CHCHD6: variants seen among roughly 807,000 people sequenced by gnomAD.
CHCHD6 encodes the protein MICOS complex subunit MIC25.
A neutral mutation model predicts 32.3 loss-of-function variants in CHCHD6; 28 were observed. The observed-to-expected ratio is 0.87, with a 90% CI of 0.64 to 1.19. The LOEUF (loss-of-function observed/expected upper bound fraction) is 1.19. Ranked by LOEUF, CHCHD6 falls within the 50% of genes most tolerant of loss-of-function variation. The pLI, the probability that CHCHD6 is intolerant of heterozygous loss-of-function variation, is 0.00. For missense variants in CHCHD6, 333 were observed against 307.0 expected, an observed-to-expected ratio of 1.08 and a Z score of -0.63; for synonymous variants, 122 against 117.5, an observed-to-expected ratio of 1.04 and a Z score of -0.25.
chr3:126,783,104 C>A (rs916084660), intron 4 of CHCHD6, among the ~76,000 whole-genome samples: 1 of 152,224 alleles, frequency 6.6e-6, no homozygotes, highest in African/African-American at 2.4e-5. Flanking sequence ...TCTCCCCTAC[C>A]CCATAGCCTC....
In CHCHD6 at chr3:126,767,245, G is replaced by C. The variant is rs747126885; in HGVS notation, c.411+34023G>C. 6.9e-6 allele frequency: 10 copies of C among 1,441,878 alleles called. No individual in the cohort carries two copies. The Admixed American group carries it at 1.5e-4, about 22-fold the overall frequency. 89.3% of individuals were successfully genotyped at this position (1,441,878 alleles called of 1,614,324 possible). A position where few individuals can be genotyped will look rare whatever the true frequency, so the allele number is the denominator to read the frequency against. Reference sequence around the variant, plus strand: ...GGCCATTGTATATTATCTGTGCGGGGCTGGGGATAGTGTCTGTCAGGTTGC... The same window carrying C: ...GGCCATTGTATATTATCTGTGCGGGCCTGGGGATAGTGTCTGTCAGGTTGC... On this transcript the variant is annotated intron_variant, in intron 4 of 7. Transcript: ENST00000290913.
chr3:126,813,686 C>A (rs1485918654), intron 4 of CHCHD6, among the ~76,000 whole-genome samples: 1 of 152,188 alleles, frequency 6.6e-6, no homozygotes, highest in Non-Finnish European at 1.5e-5. Flanking sequence ...CTATCTAGGG[C>A]CCTTGGATGC....
At position 126,733,172 on chromosome 3, in the gene CHCHD6, C is replaced by A; in HGVS notation, c.361C>A (p.Pro121Thr). The A allele has an allele frequency of 6.2e-7, 1 of 1,614,162 alleles. No homozygotes were observed. Among genetic ancestry groups the A allele is most frequent in the South Asian group, 1.1e-5 (1 of 91,082 alleles). ...CACCAAGCACTCCAAGGCATCCCTG[C>A]CCACGGGCGAAGGCAGCATCAGCCA... ...AATKHSKASLPTGEGSISHEE... is the reference protein window; with the variant it reads ...AATKHSKASLTTGEGSISHEE... Residue 121 changes from proline (P) to threonine (T), a missense_variant, in exon 4 of 8, where the codon CCC becomes ACC. Coordinates refer to ENST00000290913, the MANE Select transcript of CHCHD6 (RefSeq NM_032343.3).
intron 4 of CHCHD6, among the ~76,000 whole-genome samples, chr3:126,815,896 C>T (rs1289947804): frequency 6.6e-6 from 1 of 152,190 alleles, no homozygotes; most frequent in African/African-American, 2.4e-5. Context: ...AGGCACAGAG[C>T]CTTCCTCCCC....
At chr3:126,892,673 T>C (rs1463022180) in intron 5 of CHCHD6, among the ~76,000 whole-genome samples, 1 of 152,212 alleles carries the variant, frequency 6.6e-6, no homozygotes, top group Non-Finnish European at 1.5e-5. Flanking sequence ...CTCCAGACTG[T>C]ATTCCCTTAC....
At chr3:126,917,578 C>T (rs1176659325) in intron 6 of CHCHD6, among the ~76,000 whole-genome samples, 1 of 152,216 alleles carries the variant, frequency 6.6e-6, no homozygotes, top group Non-Finnish European at 1.5e-5. Flanking sequence ...AAGCAAGATT[C>T]CACATAGAAA....
rs928804304 is a variant in CHCHD6, at chr3:126,769,533, T to A, written c.411+36311T>A. On this transcript the variant is annotated intron_variant, in intron 4 of 7. Coordinates refer to ENST00000290913, the MANE Select transcript of CHCHD6 (RefSeq NM_032343.3). ...TCTTTCATTTTTTTGAGATGGAGTC[T>A]CACTCTGTTGCCCACGCTAGAGTGC... Among the ~76,000 whole-genome samples the A allele has an allele frequency of 9.2e-5, 14 of 152,210 alleles. No individual in the cohort carries two copies. In the South Asian group the frequency reaches 2.1e-3, roughly 23 times the overall value.
chr3:126,802,896 T>TG (rs1013453073), intron 4 of CHCHD6, among the ~76,000 whole-genome samples: 1 of 151,180 alleles, frequency 6.6e-6, no homozygotes, highest in Non-Finnish European at 1.5e-5. Context: ...CAGAAGAGAG[T>TG]GGGGGCCGAT....
chr3:126,778,877 C>T (rs1009601738), intron 4 of CHCHD6, among the ~76,000 whole-genome samples: 4 of 151,968 alleles, frequency 2.6e-5, no homozygotes, highest in African/African-American at 7.2e-5. Flanking sequence ...ACCTCAGCCT[C>T]CTGAGTAGCT....
chr3:126,783,057 C>T (rs368330597), intron 4 of CHCHD6, among the ~76,000 whole-genome samples: 1 of 152,166 alleles, frequency 6.6e-6, no homozygotes, highest in South Asian at 2.1e-4. Context: ...GAACTAAATT[C>T]ATCTTATATG....
intron 4 of CHCHD6, among the ~76,000 whole-genome samples, chr3:126,784,768 G>A (rs1938119525): frequency 6.6e-6 from 1 of 152,132 alleles, no homozygotes; most frequent in African/African-American, 2.4e-5. Flanking sequence ...TCACATTAGT[G>A]CCTGTCTCTT....
At position 126,863,971 on chromosome 3, in the gene CHCHD6, ACCT is replaced by A. The variant is rs768892961; in HGVS notation, c.495+11253_495+11255del. 1.7e-3 allele frequency among the ~76,000 whole-genome samples: 215 copies of A among 127,202 alleles called. 3 individuals are homozygous for A. Among genetic ancestry groups the A allele is most frequent in the Non-Finnish European group, 1.5e-3 (91 of 59,730 alleles). The allele number at this position is 127,202 out of a possible 152,430, so 83.4% of individuals were successfully genotyped here. A position where few individuals can be genotyped will look rare whatever the true frequency, so the allele number is the denominator to read the frequency against. On this transcript the variant is annotated intron_variant, in intron 5 of 7. Coordinates refer to ENST00000290913, the MANE Select transcript of CHCHD6 (RefSeq NM_032343.3). Reference sequence around the variant, plus strand: ...CACCACCTCCTCCTCCACCATCACCACCTCCTCCTCCTCCACCATCACTACCTT... The same window carrying A: ...CACCACCTCCTCCTCCACCATCACCACCTCCTCCTCCACCATCACTACCTT...
intron 4 of CHCHD6, among the ~76,000 whole-genome samples, chr3:126,777,934 C>T (rs1274313453): frequency 6.6e-6 from 1 of 152,178 alleles, no homozygotes; most frequent in Non-Finnish European, 1.5e-5. Flanking sequence ...CTCCCTATTT[C>T]CCACAACCCT....
At chr3:126,930,378 C>A (rs956399409) in intron 6 of CHCHD6, among the ~76,000 whole-genome samples, 21 of 152,216 alleles carry the variant, frequency 1.4e-4, no homozygotes, top group African/African-American at 5.1e-4. Flanking sequence ...GTAAAGGTGA[C>A]CCGCAGTAGC....
chr3:126,941,423 A>G (rs958940357), intron 6 of CHCHD6, among the ~76,000 whole-genome samples: 3 of 152,214 alleles, frequency 2.0e-5, no homozygotes, highest in Non-Finnish European at 4.4e-5. Flanking sequence ...AAAATATTAA[A>G]TAATCTGGCT....
At chr3:126,837,538 G>A (rs933822348) in intron 4 of CHCHD6, among the ~76,000 whole-genome samples, 2 of 152,168 alleles carry the variant, frequency 1.3e-5, no homozygotes, top group African/African-American at 4.8e-5. Context: ...AGCCTGGGTG[G>A]CAGAGCAAGA....
At chr3:126,877,665 A>G (rs747848692) in intron 5 of CHCHD6, among the ~76,000 whole-genome samples, 1 of 152,216 alleles carries the variant, frequency 6.6e-6, no homozygotes, top group Non-Finnish European at 1.5e-5. Context: ...GAAAAAAGTT[A>G]GGTTAGGTAG....
intron 5 of CHCHD6, among the ~76,000 whole-genome samples, chr3:126,874,430 G>A (rs1405574756): frequency 2.0e-5 from 3 of 152,178 alleles, no homozygotes; most frequent in Non-Finnish European, 4.4e-5. Context: ...GGCACAAGCA[G>A]CTGAGCCCGT....
chr3:126,928,837 T>G (rs1363004725), intron 6 of CHCHD6, among the ~76,000 whole-genome samples: 1 of 152,212 alleles, frequency 6.6e-6, no homozygotes, highest in Non-Finnish European at 1.5e-5. Flanking sequence ...CGTAGCTGGA[T>G]GGACCCTCAG....
Sources: gnomAD v4.1 joint callset for allele counts (sites outside exome capture counted in the v4.1 genomes callset) on GRCh38, gnomAD v4.1.1 for gene constraint, MANE v1.5 for transcripts, NCBI Gene and HGNC (gene_info 2026-07-23, HGNC 2026-07-21) for gene names.